Variants in PUS10 observed in about 807,000 individuals in gnomAD.
The protein encoded by PUS10 is pseudouridine synthase 10, also known as tRNA pseudouridine synthase Pus10.
A neutral mutation model predicts 75.0 loss-of-function variants in PUS10; 59 were observed. That is an observed-to-expected ratio of 0.79 (90% confidence interval 0.64 to 0.98). PUS10 has a LOEUF of 0.98. PUS10 is among the 50% of genes least tolerant of loss of function. The pLI, the probability that PUS10 is intolerant of heterozygous loss-of-function variation, is 0.00. For synonymous variants in PUS10, 219 were observed against 211.6 expected (o/e 1.03, Z -0.30); for missense variants, 650 against 614.4 (o/e 1.06, Z -0.61).
At chr2:61,000,415 G>T (rs1480408296) in intron 4 of PUS10, among the ~76,000 whole-genome samples, 1 of 152,104 alleles carries the variant, frequency 6.6e-6, no homozygotes, top group African/African-American at 2.4e-5. Flanking sequence ...AAATTTAGTG[G>T]TTTAAAACAA....
chr2:61,015,458 G>A (rs1458590033), intron 1 of PUS10, among the ~76,000 whole-genome samples: 1 of 152,110 alleles, frequency 6.6e-6, no homozygotes, highest in Non-Finnish European at 1.5e-5. Flanking sequence ...CCAGGACTTT[G>A]GGAGGCTGAG....
At chr2:60,992,223 C>T (rs2104570825) in intron 4 of PUS10, among the ~76,000 whole-genome samples, 1 of 152,238 alleles carries the variant, frequency 6.6e-6, no homozygotes, top group Non-Finnish European at 1.5e-5. Flanking sequence ...GCCATGTTGA[C>T]CAAGCTGGTC....
intron 4 of PUS10, among the ~76,000 whole-genome samples, chr2:60,994,958 C>T (rs1042012317): frequency 4.6e-5 from 7 of 152,114 alleles, no homozygotes; most frequent in Admixed American, 3.9e-4. Context: ...GGCAAGGTGA[C>T]GAGCGTCTGT....
intron 4 of PUS10, among the ~76,000 whole-genome samples, chr2:60,978,186 C>T (rs1425740673): frequency 2.0e-5 from 3 of 152,112 alleles, no homozygotes; most frequent in East Asian, 3.9e-4. Context: ...CTTTGGGAGG[C>T]TGAGGAGGGT....
intron 8 of PUS10, 27 bp from the exon 9 acceptor site, chr2:60,962,917 G>T: frequency 6.6e-7 from 1 of 1,525,514 alleles, no homozygotes. Context: ...GAGAAGAAAA[G>T]ACATTTTATT....
intron 4 of PUS10, among the ~76,000 whole-genome samples, chr2:60,988,802 ATT>A (rs574393734): frequency 3.0e-4 from 40 of 134,936 alleles, no homozygotes; most frequent in Non-Finnish European, 3.1e-4. Context: ...TACCGGGTTA[ATT>A]TTTTTTTTTT....
At chr2:61,012,495 C>T (rs1679668382) in intron 1 of PUS10, among the ~76,000 whole-genome samples, 1 of 151,704 alleles carries the variant, frequency 6.6e-6, no homozygotes, top group South Asian at 2.1e-4. Flanking sequence ...GAAACCAGAA[C>T]CCCCTTTCCC....
At chr2:61,016,564 G>C (rs1174555488) in intron 1 of PUS10, among the ~76,000 whole-genome samples, 1 of 152,120 alleles carries the variant, frequency 6.6e-6, no homozygotes, top group Admixed American at 6.5e-5. Flanking sequence ...TCGTTTATGT[G>C]TTTGTTTTAT....
intron 4 of PUS10, among the ~76,000 whole-genome samples, chr2:60,980,597 T>C (rs1677323778): frequency 6.6e-6 from 1 of 152,194 alleles, no homozygotes; most frequent in Non-Finnish European, 1.5e-5. Flanking sequence ...TATAGAAACT[T>C]GGCCTGTGGA....
intron 4 of PUS10, among the ~76,000 whole-genome samples, chr2:60,975,184 T>C (rs1676955840): frequency 6.6e-6 from 1 of 152,184 alleles, no homozygotes; most frequent in South Asian, 2.1e-4. Flanking sequence ...CCTCACTCTG[T>C]CGCCCAGGCT....
At chr2:61,012,867 A>AT (rs1368232086) in intron 1 of PUS10, among the ~76,000 whole-genome samples, 2 of 27,742 alleles carry the variant, frequency 7.2e-5, no homozygotes, top group African/African-American at 1.8e-4. Context: ...AAAAAAAAAA[A>AT]ATATATATAT....
rs372734125 is a variant in PUS10, at chr2:60,964,142, A to G, written c.723+916T>C. Among the ~76,000 whole-genome samples, 52 of 152,326 alleles carry G rather than the reference A, an allele frequency of 3.4e-4. No individual in the cohort carries two copies. In the South Asian group the frequency reaches 9.7e-3, roughly 29 times the overall value. The stretch of plus-strand genomic sequence containing the variant: ...GTTAAGCTCAGGGTGCTGAACAAAC[A>G]TGGAATGTTTTAGATGTGCCATGAT... On this transcript the variant is annotated intron_variant, in intron 8 of 17. Coordinates refer to ENST00000316752, the MANE Select transcript of PUS10 (RefSeq NM_144709.4).
At chr2:61,008,546 C>T (rs1679389784) in intron 3 of PUS10, among the ~76,000 whole-genome samples, 1 of 152,062 alleles carries the variant, frequency 6.6e-6, no homozygotes, top group African/African-American at 2.4e-5. Flanking sequence ...GTAGTCCTAG[C>T]TACTCAGAAG....
chr2:60,977,237 C>A (rs1002183778), intron 4 of PUS10, among the ~76,000 whole-genome samples: 2 of 151,830 alleles, frequency 1.3e-5, no homozygotes, highest in Admixed American at 1.3e-4. Context: ...TTGATTCAAG[C>A]AGAGGTGATG....
intron 4 of PUS10, among the ~76,000 whole-genome samples, chr2:60,978,635 G>A (rs1354555070): frequency 6.6e-6 from 1 of 152,010 alleles, no homozygotes; most frequent in African/African-American, 2.4e-5. Flanking sequence ...ATACTAAGGG[G>A]TTTAGATATT....
Position 60,953,982 on chromosome 2 carries a change from T to G in PUS10, c.1141A>C (p.Asn381His). Residue 381 changes from asparagine (N) to histidine (H), a missense_variant, in exon 14 of 18, where the codon AAT becomes CAT. Physicochemically the swap from Asn to His is moderately conservative, Grantham distance 68 (BLOSUM62 1). Coordinates refer to ENST00000316752, the MANE Select transcript of PUS10 (RefSeq NM_144709.4). ...QEIKELQQKINNSSNKIQVRD... is the reference protein window; with the variant it reads ...QEIKELQQKIHNSSNKIQVRD... ...ACTTGGATTTTGTTAGATGAGTTAT[T>G]AATTTTCTGTAGTAGCAGAAAAAGA... 6.2e-7 allele frequency: 1 copy of G among 1,613,894 alleles called. No homozygotes were observed. The highest frequency in any genetic ancestry group is 1.1e-5 in the South Asian group (1 of 91,076).
At chr2:60,995,752 C>T (rs1422309284) in intron 4 of PUS10, among the ~76,000 whole-genome samples, 5 of 152,168 alleles carry the variant, frequency 3.3e-5, no homozygotes, top group African/African-American at 1.2e-4. Flanking sequence ...TGTTACATTA[C>T]CATTTCTTAT....
intron 4 of PUS10, chr2:60,999,013 G>A (rs914051146): frequency 6.6e-6 from 1 of 152,284 alleles, no homozygotes; most frequent in Non-Finnish European, 1.5e-5. Context: ...TTCATCCAAA[G>A]TAACACTTAA....
At chr2:60,950,332 G>A (rs1384796980) in intron 15 of PUS10, among the ~76,000 whole-genome samples, 1 of 152,168 alleles carries the variant, frequency 6.6e-6, no homozygotes, top group Non-Finnish European at 1.5e-5. Flanking sequence ...CATAGATATA[G>A]ACATACGTCT....
Sources: allele counts gnomAD v4.1 joint callset (sites outside exome capture counted in the v4.1 genomes callset), GRCh38; gene constraint gnomAD v4.1.1; transcripts MANE v1.5; gene names NCBI Gene and HGNC (gene_info 2026-07-23, HGNC 2026-07-21).